Variants in CEPT1 observed in about 807,000 individuals in gnomAD.
CEPT1 encodes the protein choline/ethanolamine phosphotransferase 1.
In CEPT1, 7 loss-of-function variants were observed where a neutral mutation model predicts 42.6. The ratio of observed to expected loss-of-function variants is 0.16; its 90% confidence interval spans 0.09 to 0.31. The LOEUF (loss-of-function observed/expected upper bound fraction) is 0.31. Ranked by LOEUF, CEPT1 falls within the 10% of genes least tolerant of loss-of-function variation. The probability of loss-of-function intolerance (pLI) is 1.00; values close to 1 mark genes in which losing one functional copy is unlikely to be tolerated. For missense variants in CEPT1, 306 were observed against 502.1 expected, an observed-to-expected ratio of 0.61 and a Z score of 3.73; for synonymous variants, 171 against 171.9, an observed-to-expected ratio of 0.99 and a Z score of 0.04.
intron 2 of CEPT1, 142 bp from the exon 3 acceptor site, chr1:111,159,237 TC>T: frequency 1.3e-6 from 1 of 745,270 alleles, no homozygotes; most frequent in Non-Finnish European, 2.2e-6. Flanking sequence ...TCTAATTGTT[TC>T]AGTGAGTTCT....
At chr1:111,163,467 A>C (rs943681895) in intron 4 of CEPT1, among the ~76,000 whole-genome samples, 2 of 152,062 alleles carry the variant, frequency 1.3e-5, no homozygotes, top group African/African-American at 2.4e-5. Flanking sequence ...CTCTACAAAA[A>C]AATTTTTTAA....
At chr1:111,177,646 T>C (rs1255834879) in intron 5 of CEPT1, among the ~76,000 whole-genome samples, 1 of 152,254 alleles carries the variant, frequency 6.6e-6, no homozygotes, top group Non-Finnish European at 1.5e-5. Flanking sequence ...TCTACACATG[T>C]ACATAGTAGA....
At chr1:111,184,053 G>C (rs1325797424) in intron 8 of CEPT1, 138 bp from the exon 9 acceptor site, 4 of 913,744 alleles carry the variant, frequency 4.4e-6, no homozygotes, top group South Asian at 1.7e-5. Flanking sequence ...TGTATGTGAA[G>C]GAAAGATTGC....
chr1:111,173,437 T>G (rs1468468800), intron 4 of CEPT1, among the ~76,000 whole-genome samples: 1 of 152,190 alleles, frequency 6.6e-6, no homozygotes, highest in Non-Finnish European at 1.5e-5. Flanking sequence ...ACCCAGTTAT[T>G]TATCACAGCA....
rs777147177 is a variant in CEPT1, at chr1:111,174,976, A to T, written c.714+13A>T. On this transcript the variant is annotated intron_variant, in intron 5 of 8. Transcript: ENST00000357172. Reference sequence around the variant, plus strand: ...TTGGCAATCTATGGTAACTTTGTTCACATTGTGTATCCCATGTAATGCATG... The same window carrying T: ...TTGGCAATCTATGGTAACTTTGTTCTCATTGTGTATCCCATGTAATGCATG... 2.0e-6 allele frequency: 3 copies of T among 1,514,386 alleles called. No individual in the cohort carries two copies. The East Asian group carries it at 6.8e-5, about 34-fold the overall frequency. 93.8% of individuals were successfully genotyped at this position (1,514,386 alleles called of 1,614,324 possible). A position where few individuals can be genotyped will look rare whatever the true frequency, so the allele number is the denominator to read the frequency against.
chr1:111,167,021 C>A (rs1656177200), intron 4 of CEPT1: 1 of 528,204 alleles, frequency 1.9e-6, no homozygotes, highest in African/African-American at 2.1e-5. Context: ...CTTTTTAAAT[C>A]TATTTTTGTT....
rs189554718 is a variant in CEPT1 at position 111,183,740 on chromosome 1, A to G, written c.1131+153A>G. Among the ~76,000 whole-genome samples, 389 of 152,288 alleles carry G rather than the reference A, an allele frequency of 2.6e-3. 1 individual carries two copies. Among genetic ancestry groups the G allele is most frequent in the African/African-American group, 8.4e-3 (351 of 41,564 alleles). On this transcript the variant is annotated intron_variant, in intron 8 of 8. Coordinates refer to ENST00000357172, the MANE Select transcript of CEPT1 (RefSeq NM_006090.5). ...ATAAATGGGGCTGTGTGAGAGTTCT[A>G]TGGCTTTATATTTGAGCCTTTTATT...
intron 4 of CEPT1, among the ~76,000 whole-genome samples, chr1:111,172,820 T>C (rs1211679783): frequency 1.3e-5 from 2 of 152,338 alleles, no homozygotes; most frequent in East Asian, 3.9e-4. Context: ...ATAAAAAATA[T>C]TCTTAACTAA....
chr1:111,151,763 G>A (rs561421126), intron 2 of CEPT1, among the ~76,000 whole-genome samples: 7 of 152,306 alleles, frequency 4.6e-5, no homozygotes, highest in African/African-American at 1.4e-4. Flanking sequence ...GTTAATAGAG[G>A]TTCTTTACAG....
In CEPT1 at chr1:111,183,679, A is replaced by G. The variant is rs112517092; in HGVS notation, c.1131+92A>G. On this transcript the variant is annotated intron_variant, in intron 8 of 8. Coordinates refer to ENST00000357172, the MANE Select transcript of CEPT1 (RefSeq NM_006090.5). The stretch of plus-strand genomic sequence containing the variant: ...ATGACCCAGTCATGAAAGATCGTTC[A>G]TATAATTGTAATGATTTGGAATGTC... 2,936 of 1,253,978 alleles carry G rather than the reference A, an allele frequency of 2.3e-3. 24 individuals are homozygous for G. Among genetic ancestry groups the G allele is most frequent in the African/African-American group, 0.022 (1,470 of 66,794 alleles). 77.7% of individuals were successfully genotyped at this position (1,253,978 alleles called of 1,614,324 possible). A position where few individuals can be genotyped will look rare whatever the true frequency, so the allele number is the denominator to read the frequency against.
At chr1:111,147,150 T>C (rs1215493485) in intron 1 of CEPT1, among the ~76,000 whole-genome samples, 2 of 152,214 alleles carry the variant, frequency 1.3e-5, no homozygotes, top group East Asian at 3.8e-4. Flanking sequence ...AAGGAGTTAG[T>C]ATATAAAATG....
At position 111,184,709 on chromosome 1, in the gene CEPT1, G is replaced by A. The variant is rs1657172857; in HGVS notation, c.*399G>A. Reference sequence around the variant, plus strand: ...TGTCTTTTAGTAACATCCTTGTTTAGTGTCTTCTCAAGCTTTCTTTACTGA... The same window carrying A: ...TGTCTTTTAGTAACATCCTTGTTTAATGTCTTCTCAAGCTTTCTTTACTGA... On this transcript the variant is annotated 3_prime_UTR_variant, in exon 9 of 9. Transcript: ENST00000357172. 1 of 153,878 alleles carries A rather than the reference G, an allele frequency of 6.5e-6. No homozygotes were observed. Among genetic ancestry groups the A allele is most frequent in the South Asian group, 2.0e-4 (1 of 4,980 alleles). The allele number at this position is 153,878 out of a possible 1,614,324, so 9.5% of individuals were successfully genotyped here.
chr1:111,172,809 A>G (rs145172814), intron 4 of CEPT1, among the ~76,000 whole-genome samples: 74 of 152,348 alleles, frequency 4.9e-4, no homozygotes, highest in African/African-American at 1.7e-3. Flanking sequence ...CAGATAAGCA[A>G]ATAAAAAATA....
At chr1:111,152,337 A>G (rs1203451579) in intron 2 of CEPT1, among the ~76,000 whole-genome samples, 1 of 152,168 alleles carries the variant, frequency 6.6e-6, no homozygotes, top group African/African-American at 2.4e-5. Flanking sequence ...AAGGGGGAAA[A>G]AAATTACAGA....
At chr1:111,182,430 T>G in intron 6 of CEPT1, 112 bp downstream of exon 6, 2 of 1,209,680 alleles carry the variant, frequency 1.7e-6, no homozygotes, top group Non-Finnish European at 2.3e-6. Context: ...TAATTTATAC[T>G]TAGCCTTTAA....
chr1:111,158,848 T>C (rs1026681156), intron 2 of CEPT1, among the ~76,000 whole-genome samples: 4 of 151,586 alleles, frequency 2.6e-5, no homozygotes, highest in Non-Finnish European at 5.9e-5. Context: ...TAAGTTGTTA[T>C]CTAGCATCTG....
chr1:111,183,152 GA>G (rs1657074521), intron 7 of CEPT1, among the ~76,000 whole-genome samples, 195 bp downstream of exon 7: 1 of 152,106 alleles, frequency 6.6e-6, no homozygotes. Flanking sequence ...GAAGTTCTTG[GA>G]AAACATACAA....
At chr1:111,147,212 C>T (rs1655015862) in intron 1 of CEPT1, among the ~76,000 whole-genome samples, 1 of 152,138 alleles carries the variant, frequency 6.6e-6, no homozygotes, top group Non-Finnish European at 1.5e-5. Flanking sequence ...TAGCTATTAC[C>T]ATTAAATAAA....
At chr1:111,167,892 CTTT>C (rs11339361) in intron 4 of CEPT1, 367 of 512,184 alleles carry the variant, frequency 7.2e-4, no homozygotes, top group Middle Eastern at 9.7e-4. Context: ...TATCTTTTTC[CTTT>C]TTTTTTTTTT....
Sources: allele counts gnomAD v4.1 joint callset (sites outside exome capture counted in the v4.1 genomes callset), GRCh38; gene constraint gnomAD v4.1.1; transcripts MANE v1.5; gene names NCBI Gene and HGNC (gene_info 2026-07-23, HGNC 2026-07-21).